KLC1: variants seen among roughly 807,000 people sequenced by gnomAD.
The protein encoded by KLC1 is kinesin light chain 1.
KLC1 carries 30 observed loss-of-function variants against 84.2 expected under a neutral mutation model. The ratio of observed to expected loss-of-function variants is 0.36; its 90% CI spans 0.27 to 0.48. KLC1 has a LOEUF of 0.48. Ranked by LOEUF, KLC1 falls within the 20% of genes least tolerant of loss-of-function variation. The probability of loss-of-function intolerance (pLI) is 0.99; values close to 1 mark genes in which losing one functional copy is unlikely to be tolerated. For synonymous variants in KLC1, 289 were observed against 293.3 expected (o/e 0.99, Z 0.15); for missense variants, 499 against 805.4 (o/e 0.62, Z 4.60).
intron 16 of KLC1, among the ~76,000 whole-genome samples, 160 bp from the exon 17 acceptor site, chr14:103,701,041 C>T (rs909944813): frequency 6.6e-6 from 1 of 152,380 alleles, no homozygotes; most frequent in African/African-American, 2.4e-5. Flanking sequence ...GCACCAGTCC[C>T]CCATGACCCC....
chr14:103,677,594 T>C lies in KLC1; in HGVS notation c.1488+71T>C, dbSNP rs145653736. On this transcript the variant is annotated intron_variant, in intron 12 of 16. Transcript: ENST00000334553. ...TGAATGCTTCTCTTTTACATGAATT[T>C]TATTGAAAGCTTGATTTAGAAATAG... The C allele has an allele frequency of 1.6e-3, 1,352 of 838,420 alleles. 12 individuals are homozygous for C. In the African/African-American group the frequency reaches 0.021, roughly 13 times the overall value. The allele number at this position is 838,420 out of a possible 1,614,324, so 51.9% of individuals were successfully genotyped here.
chr14:103,654,534 A>T, intron 1 of KLC1, 30 bp from the exon 2 acceptor site: 1 of 1,553,764 alleles, frequency 6.4e-7, no homozygotes. Context: ...GTAATGAGGG[A>T]TCTAATTTCT....
Position 103,693,828 on chromosome 14 carries a change from A to T in KLC1, c.1848+1403A>T. The T allele has an allele frequency of 7.2e-7, 1 of 1,389,926 alleles. No individual in the cohort carries two copies. Among genetic ancestry groups the T allele is most frequent in the Non-Finnish European group, 9.3e-7 (1 of 1,075,328 alleles). 86.1% of individuals were successfully genotyped at this position (1,389,926 alleles called of 1,614,324 possible). On this transcript the variant is annotated intron_variant, in intron 15 of 16. Coordinates refer to ENST00000334553, the MANE Select transcript of KLC1 (RefSeq NM_001394837.1). This position sits in a 1 kb window ranked among gnomAD's most constrained non-coding sequence, Gnocchi z 5.1. ...CTCGGCCTGCAGCCCCAGTGCCAGG[A>T]GCCACCCCGACCGCGACCCGGCCAG...
intron 5 of KLC1, among the ~76,000 whole-genome samples, chr14:103,668,944 A>AT (rs1216281987): frequency 7.3e-6 from 1 of 137,502 alleles, no homozygotes; most frequent in African/African-American, 2.7e-5. Context: ...CACCCGGCTA[A>AT]TTTTTTTGTA....
At chr14:103,642,580 A>G (rs1401257796) in intron 1 of KLC1, among the ~76,000 whole-genome samples, 1 of 152,072 alleles carries the variant, frequency 6.6e-6, no homozygotes, top group African/African-American at 2.4e-5. Flanking sequence ...GGGTGATTCT[A>G]GGGCTGGGGC....
chr14:103,677,020 C>T (rs532687822), intron 11 of KLC1, among the ~76,000 whole-genome samples: 10 of 152,302 alleles, frequency 6.6e-5, no homozygotes, highest in Non-Finnish European at 1.2e-4. Context: ...GACGGCAGCA[C>T]GTGAGCAGCA....
At chr14:103,683,132 T>TTAA (rs1299522347) in intron 13 of KLC1, 1 of 152,130 alleles carries the variant, frequency 6.6e-6, no homozygotes, top group Non-Finnish European at 1.5e-5. Context: ...GACAAACTGG[T>TTAA]TAATGATAAT....
chr14:103,694,776 C>T lies in KLC1; in HGVS notation c.1848+2351C>T. 5 of 985,486 alleles carry T rather than the reference C, an allele frequency of 5.1e-6. No individual in the cohort carries two copies. The highest frequency in any genetic ancestry group is 6.0e-6 in the Non-Finnish European group (5 of 829,952). The allele number at this position is 985,486 out of a possible 1,614,324, so 61.0% of individuals were successfully genotyped here. ...AGAGGCTCACACTTGTCACCTTCAG[C>T]CTCTAGAAGCTCCCCGTGGGGCACG... is the stretch of plus-strand genomic sequence containing the variant. On this transcript the variant is annotated intron_variant, in intron 15 of 16. Transcript: ENST00000334553. The surrounding 1 kb of genome is among the most constrained non-coding windows in gnomAD (Gnocchi z 4.5).
At position 103,687,102 on chromosome 14, in the gene KLC1, C is replaced by T. The variant is rs1288218920; in HGVS notation, c.1672C>T (p.Arg558Cys). The T allele has an allele frequency of 3.9e-6, 6 of 1,543,062 alleles. No individual in the cohort carries two copies. Among genetic ancestry groups the T allele is most frequent in the East Asian group, 4.9e-5 (2 of 40,754 alleles). The change falls in exon 14 of 17, where the codon CGC becomes TGC. Residue 558 changes from arginine (R) to cysteine (C), a missense_variant. Arg to Cys is a radical substitution (Grantham distance 180). Transcript: ENST00000334553. ...TCAGGATGGCACTGGATCTTTAAAA[C>T]GCAGTGGTTCCTTTAGCAAACTCCG... ...WNGDGTGSLKRSGSFSKLRAS... is the reference protein window; with the variant it reads ...WNGDGTGSLKCSGSFSKLRAS...
At chr14:103,684,947 TG>T in intron 13 of KLC1, 1 of 800,368 alleles carries the variant, frequency 1.2e-6, no homozygotes, top group Non-Finnish European at 2.2e-6. Context: ...CCCACATTTT[TG>T]AGGTGTTGGT....
chr14:103,688,086 C>G (rs767176772), intron 14 of KLC1: 1 of 152,176 alleles, frequency 6.6e-6, no homozygotes, highest in Non-Finnish European at 1.5e-5. Context: ...AAACCGAGTT[C>G]TTCTGGAGAA....
chr14:103,671,374 GT>G (rs901007951), intron 7 of KLC1, among the ~76,000 whole-genome samples: 4 of 147,454 alleles, frequency 2.7e-5, no homozygotes, highest in Non-Finnish European at 4.5e-5. Flanking sequence ...CACAAATTGT[GT>G]TTTTTTTTTT....
chr14:103,653,523 T>A (rs1344277169), intron 1 of KLC1, among the ~76,000 whole-genome samples: 1 of 152,188 alleles, frequency 6.6e-6, no homozygotes, highest in Non-Finnish European at 1.5e-5. Flanking sequence ...GGTTTCGCCG[T>A]GTTGGCCGGC....
At chr14:103,699,106 G>GTGCACACACCACATGGC (rs2082857773) in intron 15 of KLC1, 1 of 1,569,782 alleles carries the variant, frequency 6.4e-7, no homozygotes, top group African/African-American at 1.4e-5. Flanking sequence ...CTGCACAGAG[G>GTGCACACACCACATGGC]TGCACACACC....
chr14:103,639,585 G>A lies in KLC1; in HGVS notation c.-2+10091G>A, dbSNP rs576288253. On this transcript the variant is annotated intron_variant, in intron 1 of 16. Transcript: ENST00000334553. The stretch of plus-strand genomic sequence containing the variant: ...AGCCTCCTGAGTAGCTGGGACCACA[G>A]GCGTGTGCCACCACACCCAACTAAT... Among the ~76,000 whole-genome samples the A allele has an allele frequency of 1.2e-4, 19 of 152,070 alleles. No homozygotes were observed. In the East Asian group the frequency reaches 3.1e-3, roughly 25 times the overall value.
rs185044599 is a variant in KLC1, at chr14:103,640,116, A to G, written c.-2+10622A>G. 3.3e-5 allele frequency among the ~76,000 whole-genome samples: 5 copies of G among 152,044 alleles called. No individual in the cohort carries two copies. In the East Asian group the frequency reaches 5.8e-4, roughly 18 times the overall value. ...AGAGTTTCGCTCTGTTGTGGAGTGC[A>G]GTGGCACGATCTTGGCTCACTGCAA... On this transcript the variant is annotated intron_variant, in intron 1 of 16. Coordinates refer to ENST00000334553, the MANE Select transcript of KLC1 (RefSeq NM_001394837.1).
intron 12 of KLC1, chr14:103,679,172 C>A (rs766397176): frequency 2.1e-5 from 13 of 625,078 alleles, no homozygotes; most frequent in Non-Finnish European, 3.1e-5. Flanking sequence ...CTGTGCAATC[C>A]CAGCCCCATC....
chr14:103,683,559 G>A (rs2081541169), intron 13 of KLC1: 1 of 152,238 alleles, frequency 6.6e-6, no homozygotes, highest in South Asian at 2.1e-4. Context: ...TCCCTGTTGG[G>A]ATGTGGGAGC....
chr14:103,658,428 GTTTTTTTT>G (rs536826342), intron 3 of KLC1, among the ~76,000 whole-genome samples: 2 of 91,232 alleles, frequency 2.2e-5, no homozygotes, highest in African/African-American at 9.8e-5. Flanking sequence ...GCCCAGCTAA[GTTTTTTTT>G]TTTTTTTTTT....
Sources: gnomAD v4.1 joint callset for allele counts (sites outside exome capture counted in the v4.1 genomes callset) on GRCh38, gnomAD v4.1.1 for gene constraint, Gnocchi (gnomAD v3.1) non-coding constraint, MANE v1.5 for transcripts, NCBI Gene and HGNC (gene_info 2026-07-23, HGNC 2026-07-21) for gene names.